The following ACTR3C variants were observed in gnomAD, a reference collection of about 807,000 sequenced individuals.
ACTR3C encodes actin-related protein 3C.
ACTR3C carries 18 observed loss-of-function variants against 26.3 expected under a neutral mutation model. That is an observed-to-expected ratio of 0.68 (90% CI 0.47 to 1.01). The LOEUF (loss-of-function observed/expected upper bound fraction) is 1.01. Among genes scored for constraint, ACTR3C ranks in the 50% least tolerant of loss-of-function variants. The pLI, the probability that ACTR3C is intolerant of heterozygous loss-of-function variation, is 0.00. For synonymous variants in ACTR3C, 55 were observed against 94.5 expected (o/e 0.58, Z 2.42); for missense variants, 184 against 250.7 (o/e 0.73, Z 1.80).
chr7:150,297,851 C>CAAAAA (rs35970305), intron 1 of ACTR3C, among the ~76,000 whole-genome samples: 2 of 87,114 alleles, frequency 2.3e-5, no homozygotes, highest in African/African-American at 8.7e-5. Flanking sequence ...GACTCCGTCT[C>CAAAAA]AAAAAAAAAA....
chr7:150,039,889 G>C, the ACTR3C span, among the ~76,000 whole-genome samples: 2 of 124,316 alleles, frequency 1.6e-5, no homozygotes, highest in African/African-American at 5.7e-5. Flanking sequence ...CTCAGTCCCC[G>C]TGTCGTGAGG....
the ACTR3C span, among the ~76,000 whole-genome samples, chr7:150,108,789 C>T: frequency 6.7e-6 from 1 of 150,102 alleles, no homozygotes; most frequent in Non-Finnish European, 1.5e-5. Flanking sequence ...ATAAATTATC[C>T]AGACTCAGGT....
chr7:150,143,683 G>C, the ACTR3C span, among the ~76,000 whole-genome samples: 1 of 152,170 alleles, frequency 6.6e-6, no homozygotes, highest in African/African-American at 2.4e-5. Flanking sequence ...GAGGCTGCCG[G>C]GGACTGGGGA....
intron 1 of ACTR3C, among the ~76,000 whole-genome samples, chr7:150,305,309 T>G (rs2257878): frequency 6.6e-6 from 1 of 152,146 alleles, no homozygotes; most frequent in Non-Finnish European, 1.5e-5. Flanking sequence ...CAGAACTCCC[T>G]TCCACCCACT....
chr7:150,096,485 A>G, the ACTR3C span, among the ~76,000 whole-genome samples: 2 of 151,456 alleles, frequency 1.3e-5, no homozygotes, highest in Non-Finnish European at 2.9e-5. Context: ...TTTACCATTC[A>G]GCAATCTTAA....
chr7:150,170,270 A>G, the ACTR3C span, among the ~76,000 whole-genome samples: 2 of 150,750 alleles, frequency 1.3e-5, no homozygotes, highest in African/African-American at 5.0e-5. Context: ...AATGAGTGAG[A>G]AAAAGAAAGA....
chr7:150,036,951 A>G, the ACTR3C span, among the ~76,000 whole-genome samples: 26 of 79,674 alleles, frequency 3.3e-4, no homozygotes, highest in Non-Finnish European at 4.3e-4. Context: ...CCAGTGGGGG[A>G]ACCAGGGGCT....
chr7:149,984,149 A>G, the ACTR3C span, among the ~76,000 whole-genome samples: 2 of 152,044 alleles, frequency 1.3e-5, no homozygotes, highest in Non-Finnish European at 2.9e-5. Context: ...GTTTGTAGCT[A>G]TGTTTAGTTA....
At chr7:150,176,498 A>G in the ACTR3C span, among the ~76,000 whole-genome samples, 1 of 150,960 alleles carries the variant, frequency 6.6e-6, no homozygotes, top group Non-Finnish European at 1.5e-5. Flanking sequence ...TCTGTCTTTT[A>G]CAAAAATGGA....
the ACTR3C span, among the ~76,000 whole-genome samples, chr7:149,886,812 C>T: frequency 3.2e-4 from 49 of 151,954 alleles, no homozygotes; most frequent in Admixed American, 2.9e-3. Flanking sequence ...AAAAAGTAGT[C>T]GAGTGTGTGT....
chr7:149,919,549 T>C, the ACTR3C span, among the ~76,000 whole-genome samples: 1 of 152,102 alleles, frequency 6.6e-6, no homozygotes, highest in African/African-American at 2.4e-5. Flanking sequence ...CCCTTTTACT[T>C]TCTTTTTTGA....
At chr7:150,037,721 A>G in the ACTR3C span, among the ~76,000 whole-genome samples, 596 of 64,398 alleles carry the variant, frequency 9.3e-3, 27 homozygotes, top group African/African-American at 0.029. Context: ...GTCCTAAGCC[A>G]GGGGGGAAGA....
chr7:150,306,641 G>C (rs1795825269), intron 1 of ACTR3C, among the ~76,000 whole-genome samples: 1 of 152,190 alleles, frequency 6.6e-6, no homozygotes, highest in Non-Finnish European at 1.5e-5. Context: ...AAGCCCAGGA[G>C]TTTGAGGCCA....
chr7:150,103,073 A>ATG, the ACTR3C span, among the ~76,000 whole-genome samples: 584 of 147,040 alleles, frequency 4.0e-3, 5 homozygotes, highest in Admixed American at 9.4e-3. Context: ...GTGTGTGTGT[A>ATG]TGTGTGTGTG....
intron 6 of ACTR3C, among the ~76,000 whole-genome samples, chr7:150,253,554 G>GT (rs1342276240): frequency 6.6e-6 from 1 of 152,012 alleles, no homozygotes; most frequent in Non-Finnish European, 1.5e-5. Flanking sequence ...TGCGTCTTTG[G>GT]TTTTTTGTGG....
the ACTR3C span, among the ~76,000 whole-genome samples, chr7:150,006,769 A>T: frequency 7.1e-3 from 1,086 of 152,236 alleles, 8 homozygotes; most frequent in Non-Finnish European, 0.011. Context: ...TTCCCAAAAA[A>T]ATATACTTTT....
chr7:150,299,606 G>A (rs1489539452), intron 1 of ACTR3C, among the ~76,000 whole-genome samples: 1 of 151,186 alleles, frequency 6.6e-6, no homozygotes, highest in East Asian at 2.0e-4. Context: ...GCCAACATGG[G>A]GAAACCCCAT....
intron 6 of ACTR3C, among the ~76,000 whole-genome samples, chr7:150,279,895 A>G (rs1835177438): frequency 6.6e-6 from 1 of 152,130 alleles, no homozygotes; most frequent in Non-Finnish European, 1.5e-5. Context: ...GCTCTTGAAG[A>G]CAAGAACCGA....
At chr7:150,104,739 T>G in the ACTR3C span, among the ~76,000 whole-genome samples, 1 of 152,024 alleles carries the variant, frequency 6.6e-6, no homozygotes, top group African/African-American at 2.4e-5. Context: ...AATGGTTCCT[T>G]ATAGTATAAC....
Sources: gnomAD v4.1 joint callset for allele counts (sites outside exome capture counted in the v4.1 genomes callset) on GRCh38, gnomAD v4.1.1 for gene constraint, MANE v1.5 for transcripts, NCBI Gene and HGNC (gene_info 2026-07-23, HGNC 2026-07-21) for gene names.